The following DGAT2 variants were observed in gnomAD, a reference collection of about 807,000 sequenced individuals.
DGAT2 encodes the protein diacylglycerol O-acyltransferase 2.
DGAT2 carries 33 observed loss-of-function variants against 48.4 expected under a neutral mutation model. The ratio of observed to expected loss-of-function variants is 0.68; its 90% CI spans 0.52 to 0.91. DGAT2 has a LOEUF of 0.91. Among genes scored for constraint, DGAT2 ranks in the 40% least tolerant of loss-of-function variants. DGAT2 has a pLI of 0.00. For synonymous variants in DGAT2, 191 were observed against 194.1 expected, an observed-to-expected ratio of 0.98 and a Z score of 0.13; for missense variants, 446 against 493.7, an observed-to-expected ratio of 0.90 and a Z score of 0.92.
chr11:75,786,981 G>T (rs968407640), intron 2 of DGAT2, among the ~76,000 whole-genome samples: 1 of 152,114 alleles, frequency 6.6e-6, no homozygotes, highest in African/African-American at 2.4e-5. Flanking sequence ...GTAGTAACAG[G>T]TGCCTTTTTA....
intron 1 of DGAT2, among the ~76,000 whole-genome samples, chr11:75,784,175 A>G (rs1944896762): frequency 6.6e-6 from 1 of 152,120 alleles, no homozygotes; most frequent in Non-Finnish European, 1.5e-5. Flanking sequence ...AAAAAAAACC[A>G]TTGCAAATTG....
At chr11:75,771,454 TG>T (rs1280225894) in intron 1 of DGAT2, among the ~76,000 whole-genome samples, 1 of 152,096 alleles carries the variant, frequency 6.6e-6, no homozygotes, top group Non-Finnish European at 1.5e-5. Flanking sequence ...TGATTTGTTG[TG>T]TGCGGCTCCA....
At chr11:75,773,511 G>C (rs946876052) in intron 1 of DGAT2, among the ~76,000 whole-genome samples, 1 of 152,204 alleles carries the variant, frequency 6.6e-6, no homozygotes, top group Non-Finnish European at 1.5e-5. Context: ...CTCAAGGATG[G>C]AGGGTTTGAG....
chr11:75,778,945 G>C (rs1278874779), intron 1 of DGAT2, among the ~76,000 whole-genome samples: 1 of 152,058 alleles, frequency 6.6e-6, no homozygotes, highest in Non-Finnish European at 1.5e-5. Flanking sequence ...TGACTTGCCC[G>C]AGGTCACAGA....
chr11:75,790,427 T>C (rs758003127), intron 3 of DGAT2, 132 bp downstream of exon 3: 409 of 873,568 alleles, frequency 4.7e-4, no homozygotes, highest in Non-Finnish European at 6.7e-4. Context: ...ACTAGTCCTT[T>C]TGGGGGGAGG....
At chr11:75,787,295 C>T (rs1033619883) in intron 2 of DGAT2, among the ~76,000 whole-genome samples, 1 of 152,188 alleles carries the variant, frequency 6.6e-6, no homozygotes, top group Non-Finnish European at 1.5e-5. Flanking sequence ...ATTTAATTTT[C>T]CCAATACCCT....
intron 4 of DGAT2, chr11:75,794,776 A>C (rs1945029506): frequency 6.6e-6 from 1 of 152,248 alleles, no homozygotes. Context: ...GTTTTGAAAA[A>C]GAGCATGTAT....
rs766439898 is a variant in DGAT2 at position 75,784,641 on chromosome 11, G to T, written c.145G>T (p.Ala49Ser). The change falls in exon 2 of 8, where the codon GCC becomes TCC. Residue 49 changes from alanine (A) to serine (S), a missense_variant. Coordinates refer to ENST00000228027, the MANE Select transcript of DGAT2 (RefSeq NM_032564.5). ...AGGCACTGGATCCAGCATCCTCTCC[G>T]CCCTCCAGGACCTCTTCTCTGTCAC... ...RWGTGSSILSALQDLFSVTWL... is the reference protein window; with the variant it reads ...RWGTGSSILSSLQDLFSVTWL... 2 of 1,613,908 alleles carry T rather than the reference G, an allele frequency of 1.2e-6. No individual in the cohort carries two copies. Among genetic ancestry groups the T allele is most frequent in the Non-Finnish European group, 1.7e-6 (2 of 1,179,944 alleles).
At chr11:75,799,170 T>C (rs556936538) in intron 7 of DGAT2, among the ~76,000 whole-genome samples, 5 of 152,246 alleles carry the variant, frequency 3.3e-5, no homozygotes, top group African/African-American at 1.2e-4. Flanking sequence ...CTTGTACTTT[T>C]AGGTAGAGAC....
Position 75,784,694 on chromosome 11 carries a change from G to C in DGAT2, c.198G>C (p.Lys66Asn). 3 of 1,614,160 alleles carry C rather than the reference G, an allele frequency of 1.9e-6. No individual in the cohort carries two copies. Among genetic ancestry groups the C allele is most frequent in the Non-Finnish European group, 2.5e-6 (3 of 1,180,008 alleles). ...GGCTCAATAGGTCCAAGGTGGAAAA[G>C]CAGCTACAGGTCATCTCAGTGCTCC... is the stretch of plus-strand genomic sequence containing the variant. ...VTWLNRSKVE[K>N]QLQVISVLQW... The change falls in exon 2 of 8, where the codon AAG (lysine) becomes AAC (asparagine). Residue 66 changes from lysine (K) to asparagine (N), a missense_variant. Coordinates refer to ENST00000228027, the MANE Select transcript of DGAT2 (RefSeq NM_032564.5).
At chr11:75,769,157 C>T (rs1944731311) in intron 1 of DGAT2, 45 bp downstream of exon 1, 2 of 1,514,306 alleles carry the variant, frequency 1.3e-6, no homozygotes, top group Non-Finnish European at 1.8e-6. Flanking sequence ...AGAAGATTTT[C>T]TGGAAAGGGC....
chr11:75,787,111 C>T (rs1474510260), intron 2 of DGAT2, among the ~76,000 whole-genome samples: 1 of 151,832 alleles, frequency 6.6e-6, no homozygotes, highest in Non-Finnish European at 1.5e-5. Context: ...TATGAAAATA[C>T]CTTTGTTATT....
intron 2 of DGAT2, 31 bp from the exon 3 acceptor site, chr11:75,790,157 A>G: frequency 2.0e-6 from 3 of 1,512,196 alleles, no homozygotes; most frequent in East Asian, 2.3e-5. Context: ...GAAGCCCAGT[A>G]GGACCTGACC....
Position 75,790,748 on chromosome 11 carries a change from G to A in DGAT2, c.429+17G>A. On this transcript the variant is annotated intron_variant, in intron 4 of 7. Coordinates refer to ENST00000228027, the MANE Select transcript of DGAT2 (RefSeq NM_032564.5). ...CCCATCCAGGTAAAGTGCTGTGAGT[G>A]TTGTTTTGGGAGGGTGGGAATGGAT... 1.2e-6 allele frequency: 2 copies of A among 1,613,922 alleles called. No individual in the cohort carries two copies. The highest frequency in any genetic ancestry group is 1.7e-6 in the Non-Finnish European group (2 of 1,179,790).
At chr11:75,796,296 C>A in intron 4 of DGAT2, 32 bp from the exon 5 acceptor site, 1 of 1,597,110 alleles carries the variant, frequency 6.3e-7, no homozygotes, top group South Asian at 1.1e-5. Context: ...CTCTCCCAGC[C>A]AGTTTCCTCT....
intron 6 of DGAT2, among the ~76,000 whole-genome samples, chr11:75,797,717 G>C (rs1945072019): frequency 6.6e-6 from 1 of 152,178 alleles, no homozygotes; most frequent in South Asian, 2.1e-4. Flanking sequence ...CTTACCTCAG[G>C]CTTTGGAAGA....
At chr11:75,796,261 AC>A in intron 4 of DGAT2, 66 bp from the exon 5 acceptor site, 1 of 1,416,860 alleles carries the variant, frequency 7.1e-7, no homozygotes, top group Non-Finnish European at 9.9e-7. Flanking sequence ...ATCCCTCCCT[AC>A]CCTCCGGGTA....
chr11:75,798,461 C>T, intron 7 of DGAT2, 32 bp downstream of exon 7: 2 of 1,606,490 alleles, frequency 1.2e-6, no homozygotes, highest in Non-Finnish European at 1.7e-6. Context: ...CAAGGGCTGT[C>T]CTGAACACAG....
chr11:75,792,769 ACTCT>A (rs1343279065), intron 4 of DGAT2: 6 of 151,736 alleles, frequency 4.0e-5, no homozygotes, highest in Non-Finnish European at 7.4e-5. Flanking sequence ...ACTAGGAAAC[ACTCT>A]CTCTAAGCTT....
Sources: allele counts gnomAD v4.1 joint callset (sites outside exome capture counted in the v4.1 genomes callset), GRCh38; gene constraint gnomAD v4.1.1; transcripts MANE v1.5; gene names NCBI Gene and HGNC (gene_info 2026-07-23, HGNC 2026-07-21).